The following GK5 variants were observed in gnomAD, a reference collection of about 807,000 sequenced individuals.
GK5 encodes ATP:glycerol 3-phosphotransferase 5.
A neutral mutation model predicts 77.3 loss-of-function variants in GK5; 39 were observed. The ratio of observed to expected loss-of-function variants is 0.50; its 90% CI spans 0.39 to 0.66. The LOEUF is 0.66. GK5 is among the 30% of genes least tolerant of loss of function. The pLI, the probability that GK5 is intolerant of heterozygous loss-of-function variation, is 0.00. For missense variants in GK5, 487 were observed against 633.8 expected, an observed-to-expected ratio of 0.77 and a Z score of 2.49; for synonymous variants, 211 against 208.0, an observed-to-expected ratio of 1.01 and a Z score of -0.13.
In GK5 at chr3:142,203,731, G is replaced by A. The variant is rs151042191; in HGVS notation, c.411+964C>T. ...AGAGGTTGCAGTGAGCTGAGATCGCGCCACTGCACTCCAGCTTGGGCGATA... is the reference window on the plus strand; with the variant it reads ...AGAGGTTGCAGTGAGCTGAGATCGCACCACTGCACTCCAGCTTGGGCGATA... On this transcript the variant is annotated intron_variant, in intron 4 of 15. Coordinates refer to ENST00000392993, the MANE Select transcript of GK5 (RefSeq NM_001039547.3). Among the ~76,000 whole-genome samples, 471 of 152,182 alleles carry A rather than the reference G, an allele frequency of 3.1e-3. 4 individuals are homozygous for A. Among genetic ancestry groups the A allele is most frequent in the African/African-American group, 0.01 (434 of 41,524 alleles).
chr3:142,177,541 C>A lies in GK5; in HGVS notation c.1084G>T (p.Ala362Ser). The change falls in exon 12 of 16, where the codon GCC becomes TCC. Residue 362 changes from alanine to serine, a missense_variant. Ala to Ser is a moderately conservative substitution (Grantham distance 99, BLOSUM62 1). Coordinates refer to ENST00000392993, the MANE Select transcript of GK5 (RefSeq NM_001039547.3). ...FTDAAETEKM[A>S]KSLEDSEGVC... is the part of the protein sequence containing the mutation. ...CCTTCAGAATCCTCCAAACTTTTGG[C>A]CATTTTTTCAGTCTCAGCAGCATCT... 6.2e-7 allele frequency: 1 copy of A among 1,612,826 alleles called. No individual in the cohort carries two copies. The highest frequency in any genetic ancestry group is 8.5e-7 in the Non-Finnish European group (1 of 1,179,078).
chr3:142,184,184 C>T (rs2063734678), intron 9 of GK5, among the ~76,000 whole-genome samples: 1 of 134,860 alleles, frequency 7.4e-6, no homozygotes, highest in East Asian at 2.2e-4. Flanking sequence ...TGGCATGAGC[C>T]TGGAAGGCGG....
intron 4 of GK5, 45 bp downstream of exon 4, chr3:142,204,649 GA>G (rs200595097): frequency 4.5e-4 from 397 of 880,600 alleles, no homozygotes; most frequent in Middle Eastern, 4.3e-3. Flanking sequence ...GACATTTACA[GA>G]AAAAAAAAAC....
intron 5 of GK5, among the ~76,000 whole-genome samples, chr3:142,198,121 A>G (rs908246047): frequency 6.6e-6 from 1 of 152,206 alleles, no homozygotes; most frequent in Non-Finnish European, 1.5e-5. Context: ...CAAGAGATGC[A>G]TTATTCATAA....
At position 142,204,760 on chromosome 3, in the gene GK5, T is replaced by G. The variant is rs147968714; in HGVS notation, c.346A>C (p.Ile116Leu). The G allele has an allele frequency of 5.7e-6, 9 of 1,576,942 alleles. No individual in the cohort carries two copies. In the East Asian group the frequency reaches 1.3e-4, roughly 24 times the overall value. Residue 116 changes from isoleucine to leucine, a missense_variant, in exon 4 of 16, where the codon ATA becomes CTA. Transcript: ENST00000392993. ...KKTGNHFHNFISWQDLRAVEL... is the reference protein window; with the variant it reads ...KKTGNHFHNFLSWQDLRAVEL... Reference sequence around the variant, plus strand: ...ACAGCTCTTAAGTCTTGCCAACTTATAAAGTTGTGAAAATGATTTCCTGTT... The same window carrying G: ...ACAGCTCTTAAGTCTTGCCAACTTAGAAAGTTGTGAAAATGATTTCCTGTT...
chr3:142,225,528 CCCCGGGCGGCCCAA>C lies in GK5; in HGVS notation c.-87_-74del. On this transcript the variant is annotated 5_prime_UTR_variant, in exon 1 of 16. Coordinates refer to ENST00000392993, the MANE Select transcript of GK5 (RefSeq NM_001039547.3). Reference sequence around the variant, plus strand: ...GCTACAAATCCCAATGCTCCAGAGTCCCCGGGCGGCCCAACCCGGGCCCCAACCCGGCTCAGCCG... The same window carrying C: ...GCTACAAATCCCAATGCTCCAGAGTCCCCGGGCCCCAACCCGGCTCAGCCG... The C allele has an allele frequency of 6.6e-7, 1 of 1,521,666 alleles. No homozygotes were observed. Among genetic ancestry groups the C allele is most frequent in the Non-Finnish European group, 8.8e-7 (1 of 1,139,312 alleles). The allele number at this position is 1,521,666 out of a possible 1,614,324, so 94.3% of individuals were successfully genotyped here.
At chr3:142,183,099 T>C in intron 9 of GK5, 50 bp from the exon 10 acceptor site, 1 of 1,551,650 alleles carries the variant, frequency 6.4e-7, no homozygotes, top group Non-Finnish European at 8.8e-7. Flanking sequence ...AGTGGCCAAT[T>C]TTATTATAGA....
At chr3:142,197,660 T>C (rs1226352451) in intron 5 of GK5, among the ~76,000 whole-genome samples, 1 of 152,238 alleles carries the variant, frequency 6.6e-6, no homozygotes, top group Non-Finnish European at 1.5e-5. Flanking sequence ...AAAAGTCCTC[T>C]GATCACATAC....
chr3:142,184,260 CAAAA>C (rs1161704184), intron 9 of GK5, among the ~76,000 whole-genome samples: 2 of 10,678 alleles, frequency 1.9e-4, no homozygotes, highest in African/African-American at 7.8e-4. Flanking sequence ...GACTCTGTCT[CAAAA>C]AAAAAAAAAA....
intron 15 of GK5, among the ~76,000 whole-genome samples, chr3:142,167,122 C>T (rs1461506034): frequency 6.6e-6 from 1 of 151,984 alleles, no homozygotes; most frequent in Admixed American, 6.6e-5. Flanking sequence ...GCCTGTAATC[C>T]CAGCACTTTG....
intron 4 of GK5, among the ~76,000 whole-genome samples, chr3:142,202,057 T>C (rs1215077064): frequency 1.3e-5 from 2 of 152,106 alleles, no homozygotes; most frequent in African/African-American, 4.8e-5. Flanking sequence ...GCATGTACAA[T>C]GGCCTTAAGG....
intron 3 of GK5, among the ~76,000 whole-genome samples, chr3:142,206,977 A>G (rs999242245): frequency 2.0e-5 from 3 of 152,228 alleles, no homozygotes; most frequent in Admixed American, 2.0e-4. Flanking sequence ...ATGGCTACAG[A>G]ATAAAAGATG....
intron 6 of GK5, 87 bp from the exon 7 acceptor site, chr3:142,186,600 C>A: frequency 1.9e-6 from 1 of 522,362 alleles, no homozygotes; most frequent in South Asian, 4.3e-5. Flanking sequence ...CCTTTGTCTA[C>A]CCTCAAATTC....
rs2063718623 is a variant in GK5 at position 142,183,034 on chromosome 3, A to G, written c.832T>C (p.Ser278Pro). The change falls in exon 10 of 16, where the codon TCA (serine) becomes CCA (proline). Residue 278 changes from serine (S) to proline (P), a missense_variant. By Grantham distance (74) the Ser-to-Pro change is moderately conservative. Transcript: ENST00000392993. ...PIVALVADQQ[S>P]AMFGECCFQT... The stretch of plus-strand genomic sequence containing the variant: ...AAGCAGCACTCTCCAAACATGGCTG[A>G]TTGCTGGTCAGCAACCTACCAAAAA... The G allele has an allele frequency of 6.2e-7, 1 of 1,613,900 alleles. No individual in the cohort carries two copies. The highest frequency in any genetic ancestry group is 1.1e-5 in the South Asian group (1 of 91,006).
intron 1 of GK5, among the ~76,000 whole-genome samples, chr3:142,218,872 T>C (rs1406129087): frequency 6.6e-6 from 1 of 152,050 alleles, no homozygotes; most frequent in Non-Finnish European, 1.5e-5. Flanking sequence ...ATATCCAGAA[T>C]ATATAAAAAA....
intron 15 of GK5, among the ~76,000 whole-genome samples, chr3:142,168,785 C>T (rs1462951388): frequency 6.4e-5 from 9 of 139,714 alleles, no homozygotes; most frequent in African/African-American, 1.8e-4. Context: ...GGATCAGGTC[C>T]GAACTCCTCT....
At chr3:142,223,173 A>G (rs994612183) in intron 1 of GK5, among the ~76,000 whole-genome samples, 2 of 152,176 alleles carry the variant, frequency 1.3e-5, no homozygotes, top group Non-Finnish European at 2.9e-5. Flanking sequence ...CTTCATTCCT[A>G]AAAAAACTAA....
At chr3:142,185,408 G>A (rs2063755171) in intron 9 of GK5, 5 of 679,688 alleles carry the variant, frequency 7.4e-6, no homozygotes, top group Non-Finnish European at 8.7e-6. Flanking sequence ...GTGAGACCCT[G>A]TCTCAAAAAA....
chr3:142,211,039 C>T (rs1468921812), intron 3 of GK5, among the ~76,000 whole-genome samples: 1 of 152,286 alleles, frequency 6.6e-6, no homozygotes, highest in Non-Finnish European at 1.5e-5. Context: ...CAGTCCAAAT[C>T]CTTAGCTTGC....
Sources: gnomAD v4.1 joint callset for allele counts (sites outside exome capture counted in the v4.1 genomes callset) on GRCh38, gnomAD v4.1.1 for gene constraint, MANE v1.5 for transcripts, NCBI Gene and HGNC (gene_info 2026-07-23, HGNC 2026-07-21) for gene names.